Variants in DNAJC1 observed in about 807,000 individuals in gnomAD.
The protein encoded by DNAJC1 is dnaJ homolog subfamily C member 1.
In DNAJC1, 58 loss-of-function variants were observed where a neutral mutation model predicts 76.6. The observed-to-expected ratio is 0.76, with a 90% CI of 0.61 to 0.94. The LOEUF is 0.94. Among genes scored for constraint, DNAJC1 ranks in the 40% least tolerant of loss-of-function variants. The pLI is 0.00. For synonymous variants in DNAJC1, 258 were observed against 267.9 expected, an observed-to-expected ratio of 0.96 and a Z score of 0.36; for missense variants, 689 against 677.3, an observed-to-expected ratio of 1.02 and a Z score of -0.19.
intron 8 of DNAJC1, among the ~76,000 whole-genome samples, chr10:21,819,579 T>C (rs897843374): frequency 6.6e-6 from 1 of 152,208 alleles, no homozygotes; most frequent in Non-Finnish European, 1.5e-5. Flanking sequence ...ATTTGGGGCA[T>C]GGTCACATTT....
intron 8 of DNAJC1, among the ~76,000 whole-genome samples, chr10:21,830,807 A>G (rs536711298): frequency 6.6e-6 from 1 of 152,180 alleles, no homozygotes; most frequent in Non-Finnish European, 1.5e-5. Flanking sequence ...TAACTCATGA[A>G]TTCTCATTTT....
At chr10:21,908,073 T>TAAATATATATTATATATA (rs1262822887) in intron 6 of DNAJC1, among the ~76,000 whole-genome samples, 1 of 113,100 alleles carries the variant, frequency 8.8e-6, no homozygotes, top group African/African-American at 3.5e-5. Context: ...ATAATATACA[T>TAAATATATATTATATATA]AAATATATAT....
intron 1 of DNAJC1, among the ~76,000 whole-genome samples, chr10:21,933,747 G>A (rs1182729174): frequency 6.6e-6 from 1 of 152,124 alleles, no homozygotes; most frequent in African/African-American, 2.4e-5. Context: ...GGTCCCATAA[G>A]AATACAATAC....
intron 1 of DNAJC1, among the ~76,000 whole-genome samples, chr10:21,932,629 T>C (rs1837247196): frequency 6.6e-6 from 1 of 152,222 alleles, no homozygotes; most frequent in Admixed American, 6.5e-5. Context: ...GCCAGAGAGA[T>C]CAGAGTTGAC....
chr10:21,981,583 T>C (rs778894651), intron 1 of DNAJC1, among the ~76,000 whole-genome samples: 1 of 152,142 alleles, frequency 6.6e-6, no homozygotes, highest in Non-Finnish European at 1.5e-5. Context: ...ACTGGGCAAG[T>C]CTCTGAAATT....
intron 1 of DNAJC1, among the ~76,000 whole-genome samples, chr10:21,960,520 T>C (rs887718301): frequency 1.3e-5 from 2 of 152,152 alleles, no homozygotes; most frequent in African/African-American, 4.8e-5. Flanking sequence ...AAGACCAGCC[T>C]GGCCCACATA....
chr10:21,924,599 GCTA>G (rs1055933553), intron 3 of DNAJC1, among the ~76,000 whole-genome samples: 2 of 152,118 alleles, frequency 1.3e-5, no homozygotes, highest in Non-Finnish European at 2.9e-5. Flanking sequence ...ACATAGCTGG[GCTA>G]CTATTTCCCA....
chr10:21,772,832 T>TC (rs139630699), intron 9 of DNAJC1, among the ~76,000 whole-genome samples: 3,776 of 152,240 alleles, frequency 0.025, 60 homozygotes, highest in Middle Eastern at 0.044. Context: ...GCTCATGGTT[T>TC]CACAAGCTGT....
At chr10:21,765,220 A>T (rs879903134) in intron 10 of DNAJC1, among the ~76,000 whole-genome samples, 1 of 152,148 alleles carries the variant, frequency 6.6e-6, no homozygotes. Context: ...GAATTCTTTT[A>T]AAAAAATTTT....
intron 8 of DNAJC1, among the ~76,000 whole-genome samples, chr10:21,863,300 T>C (rs1449236470): frequency 6.6e-6 from 1 of 151,944 alleles, no homozygotes; most frequent in East Asian, 1.9e-4. Flanking sequence ...AATAGTAATA[T>C]TAGAAATAAG....
intron 9 of DNAJC1, among the ~76,000 whole-genome samples, chr10:21,801,023 T>A (rs1834807390): frequency 6.6e-6 from 1 of 152,184 alleles, no homozygotes; most frequent in Non-Finnish European, 1.5e-5. Flanking sequence ...TACTAACAAC[T>A]GTGTCACCTT....
chr10:21,976,571 T>C (rs951522462), intron 1 of DNAJC1, among the ~76,000 whole-genome samples: 1 of 152,150 alleles, frequency 6.6e-6, no homozygotes, highest in Admixed American at 6.5e-5. Context: ...AGTCAAATAA[T>C]AGGAAAATGC....
At chr10:21,785,326 T>A (rs1589979504) in intron 9 of DNAJC1, 1 of 152,246 alleles carries the variant, frequency 6.6e-6, no homozygotes, top group East Asian at 1.9e-4. Flanking sequence ...ATTGCCACTC[T>A]ACTAATTTGC....
chr10:21,794,771 C>A (rs1834734142), intron 9 of DNAJC1, among the ~76,000 whole-genome samples: 1 of 151,548 alleles, frequency 6.6e-6, no homozygotes, highest in Admixed American at 6.6e-5. Context: ...TTAAAAAAAA[C>A]AAAAAGACAA....
At chr10:21,866,324 T>C (rs376617709) in intron 8 of DNAJC1, among the ~76,000 whole-genome samples, 4 of 151,388 alleles carry the variant, frequency 2.6e-5, no homozygotes, top group Admixed American at 1.3e-4. Flanking sequence ...ACTTAACATA[T>C]AAGAAACAAA....
Position 21,917,887 on chromosome 10 carries a change from G to C in DNAJC1, c.729+892C>G, listed in dbSNP as rs570808758. ...AAATTTTCATTATGAGAAAAATAAAGGAAAATGCAGAAGTTGTAGTCATTA... is the reference window on the plus strand; with the variant it reads ...AAATTTTCATTATGAGAAAAATAAACGAAAATGCAGAAGTTGTAGTCATTA... On this transcript the variant is annotated intron_variant, in intron 6 of 11. Coordinates refer to ENST00000376980, the MANE Select transcript of DNAJC1 (RefSeq NM_022365.4). Among the ~76,000 whole-genome samples, 5 of 151,754 alleles carry C rather than the reference G, an allele frequency of 3.3e-5. No homozygotes were observed. The South Asian group carries it at 1.0e-3, about 32-fold the overall frequency.
chr10:21,784,119 C>T (rs140922922), intron 9 of DNAJC1, among the ~76,000 whole-genome samples: 1,555 of 152,276 alleles, frequency 0.01, 25 homozygotes, highest in African/African-American at 0.035. Flanking sequence ...AGGCAACCTA[C>T]AAAATGGGAG....
rs758795091 is a variant in DNAJC1, at chr10:22,003,352, CGCGGCGGCG to C, written c.74_82del (p.Pro25_Pro27del). On this transcript the variant is annotated inframe_deletion, in exon 1 of 12. Coordinates refer to ENST00000376980, the MANE Select transcript of DNAJC1 (RefSeq NM_022365.4). ...CAGCAGCAGCCACAGCAGCGGCGTC[CGCGGCGGCG>C]GCGGCGGGAACGGCACCAGCCCGAG... The C allele has an allele frequency of 1.3e-5, 19 of 1,424,848 alleles. 1 individual carries two copies. Among genetic ancestry groups the C allele is most frequent in the Admixed American group, 1.0e-4 (3 of 29,510 alleles). 88.3% of individuals were successfully genotyped at this position (1,424,848 alleles called of 1,614,324 possible). A position where few individuals can be genotyped will look rare whatever the true frequency, so the allele number is the denominator to read the frequency against.
At chr10:21,820,715 C>CA (rs1835144475) in intron 8 of DNAJC1, among the ~76,000 whole-genome samples, 1 of 152,216 alleles carries the variant, frequency 6.6e-6, no homozygotes, top group East Asian at 1.9e-4. Flanking sequence ...AACTTCTGAC[C>CA]AACTGGTTTC....
Sources: gnomAD v4.1 joint callset for allele counts (sites outside exome capture counted in the v4.1 genomes callset) on GRCh38, gnomAD v4.1.1 for gene constraint, MANE v1.5 for transcripts, NCBI Gene and HGNC (gene_info 2026-07-23, HGNC 2026-07-21) for gene names.